Variants in CSPG5 observed in about 807,000 individuals in gnomAD.
The protein encoded by CSPG5 is acidic leucine-rich EGF-like domain-containing brain protein.
CSPG5 carries 25 observed loss-of-function variants against 39.8 expected under a neutral mutation model. That is an observed-to-expected ratio of 0.63 (90% CI 0.46 to 0.88). CSPG5 has a LOEUF of 0.88. CSPG5 is among the 40% of genes least tolerant of loss of function. The pLI is 0.00. For synonymous variants in CSPG5, 295 were observed against 303.9 expected, an observed-to-expected ratio of 0.97 and a Z score of 0.31; for missense variants, 627 against 702.2, an observed-to-expected ratio of 0.89 and a Z score of 1.21.
intron 4 of CSPG5, among the ~76,000 whole-genome samples, chr3:47,568,039 T>C (rs2031380878): frequency 6.6e-6 from 1 of 152,182 alleles, no homozygotes; most frequent in Admixed American, 6.5e-5. Flanking sequence ...AACACTTCCA[T>C]TTCACAGAAA....
Position 47,577,833 on chromosome 3 carries a change from G to T in CSPG5, c.193C>A (p.Pro65Thr). 1 of 1,565,014 alleles carries T rather than the reference G, an allele frequency of 6.4e-7. No homozygotes were observed. Among genetic ancestry groups the T allele is most frequent in the Non-Finnish European group, 8.6e-7 (1 of 1,166,224 alleles). ...GCCTCATCTTCCCCAGCCGCTGGTGGGCCGGCTTCTTCCCGCGTGTCGTTG... is the reference window on the plus strand; with the variant it reads ...GCCTCATCTTCCCCAGCCGCTGGTGTGCCGGCTTCTTCCCGCGTGTCGTTG... ...PANDTREEAG[P>T]PAAGEDEASW... The change falls in exon 2 of 5, where the codon CCA (proline) becomes ACA (threonine). Residue 65 changes from proline (P) to threonine (T), a missense_variant. Pro to Thr is a conservative substitution (Grantham distance 38). Coordinates refer to ENST00000264723, the MANE Select transcript of CSPG5 (RefSeq NM_006574.4). This position sits in a 1 kb window ranked among gnomAD's most constrained non-coding sequence, Gnocchi z 4.7.
At position 47,577,350 on chromosome 3, in the gene CSPG5, C is replaced by G. The variant is rs752877447; in HGVS notation, c.676G>C (p.Gly226Arg). 1 of 1,614,006 alleles carries G rather than the reference C, an allele frequency of 6.2e-7. No homozygotes were observed. Among genetic ancestry groups the G allele is most frequent in the Non-Finnish European group, 8.5e-7 (1 of 1,179,950 alleles). The change falls in exon 2 of 5, where the codon GGG becomes CGG. Residue 226 changes from glycine to arginine, a missense_variant. Physicochemically the swap from Gly to Arg is moderately radical, Grantham distance 125 (BLOSUM62 -2). Transcript: ENST00000264723. This position sits in a 1 kb window ranked among gnomAD's most constrained non-coding sequence, Gnocchi z 4.7. ...GTTCCTGGTGACCCTGGGAAGCTCC[C>G]CAGATCTGCGCCACGACCCTCACCA... is the stretch of plus-strand genomic sequence containing the variant. The part of the protein sequence containing the change: ...LDGEGRGADL[G>R]SFPGSPGTSE...
In CSPG5 at chr3:47,569,127, G is replaced by A. The variant is rs370385156; in HGVS notation, c.1458+25C>T. The stretch of plus-strand genomic sequence containing the variant: ...GCACGGGCATGGGGGGAGGAGGTAC[G>A]GGGAGTGTTGCAAAGTTTCCTTACA... On this transcript the variant is annotated intron_variant, in intron 4 of 4. Transcript: ENST00000264723. 8.1e-6 allele frequency: 13 copies of A among 1,602,684 alleles called. No homozygotes were observed. The Admixed American group carries it at 1.2e-4, about 15-fold the overall frequency.
chr3:47,578,316 G>GC lies in CSPG5; in HGVS notation c.97+280dup, dbSNP rs1215123965. Among the ~76,000 whole-genome samples the GC allele has an allele frequency of 9.3e-6, 1 of 107,744 alleles. No individual in the cohort carries two copies. Among genetic ancestry groups the GC allele is most frequent in the African/African-American group, 3.5e-5 (1 of 28,716 alleles). The allele number at this position is 107,744 out of a possible 152,430, so 70.7% of individuals were successfully genotyped here. Reference sequence around the variant, plus strand: ...CCCCGAAGTCTCACCCTCAGGCCCCGCCCCGGCCCCGCCCCGGCCCCGCCC... The same window carrying GC: ...CCCCGAAGTCTCACCCTCAGGCCCCGCCCCCGGCCCCGCCCCGGCCCCGCCC... On this transcript the variant is annotated intron_variant, in intron 1 of 4. Transcript: ENST00000264723. The surrounding 1 kb of genome is among the most constrained non-coding windows in gnomAD (Gnocchi z 6.0).
chr3:47,563,615 T>C (rs927251687), intron 4 of CSPG5, among the ~76,000 whole-genome samples: 1 of 152,172 alleles, frequency 6.6e-6, no homozygotes, highest in Non-Finnish European at 1.5e-5. Context: ...AGTACAGTAG[T>C]GTGATCTCGG....
chr3:47,577,436 C>A lies in CSPG5; in HGVS notation c.590G>T (p.Gly197Val), dbSNP rs753913605. 2 of 1,614,118 alleles carry A rather than the reference C, an allele frequency of 1.2e-6. No individual in the cohort carries two copies. The highest frequency in any genetic ancestry group is 8.5e-7 in the Non-Finnish European group (1 of 1,180,026). ...QGPELTYPFQ[G>V]TLEPQPASDI... ...TGATGCCGGTTGGGGCTCCAGGGTG[C>A]CCTGAAATGGGTAAGTCAGCTCTGG... Residue 197 changes from glycine to valine, a missense_variant, in exon 2 of 5, where the codon GGC (glycine) becomes GTC (valine). Transcript: ENST00000264723. This position sits in a 1 kb window ranked among gnomAD's most constrained non-coding sequence, Gnocchi z 4.7.
Position 47,562,736 on chromosome 3 carries a change from A to C in CSPG5, c.1484T>G (p.Ile495Ser). 6.2e-7 allele frequency: 1 copy of C among 1,609,016 alleles called. No individual in the cohort carries two copies. Among genetic ancestry groups the C allele is most frequent in the Non-Finnish European group, 8.5e-7 (1 of 1,177,260 alleles). Residue 495 changes from isoleucine (I) to serine (S), a missense_variant, in exon 5 of 5, where the codon ATC becomes AGC. Coordinates refer to ENST00000264723, the MANE Select transcript of CSPG5 (RefSeq NM_006574.4). Reference protein sequence around the residue: ...PNDDPSAPHKIQEVLKSCLKE... With the variant: ...PNDDPSAPHKSQEVLKSCLKE... ...CAGGCAGGACTTGAGAACCTCCTGG[A>C]TTTTGTGGGGAGCACTAGGATCATC...
Position 47,572,112 on chromosome 3 carries a change from A to C in CSPG5, c.1382+574T>G, listed in dbSNP as rs1245805130. Among the ~76,000 whole-genome samples the C allele has an allele frequency of 6.6e-6, 1 of 152,198 alleles. No homozygotes were observed. Among genetic ancestry groups the C allele is most frequent in the Admixed American group, 6.5e-5 (1 of 15,280 alleles). On this transcript the variant is annotated intron_variant, in intron 3 of 4. Transcript: ENST00000264723. The surrounding 1 kb of genome is among the most constrained non-coding windows in gnomAD (Gnocchi z 4.5). ...CATATTCTACTCAGGAGAGGTAAAG[A>C]GGATTTTCTTAAGTTCCTTGCACTT...
intron 4 of CSPG5, among the ~76,000 whole-genome samples, chr3:47,566,081 C>A (rs2031287648): frequency 6.6e-6 from 1 of 152,196 alleles, no homozygotes; most frequent in Non-Finnish European, 1.5e-5. Context: ...TTCCCTGTCA[C>A]AGGCCCAAAG....
chr3:47,577,986 G>T lies in CSPG5; in HGVS notation c.98-58C>A. On this transcript the variant is annotated intron_variant, in intron 1 of 4. Coordinates refer to ENST00000264723, the MANE Select transcript of CSPG5 (RefSeq NM_006574.4). The surrounding 1 kb of genome is among the most constrained non-coding windows in gnomAD (Gnocchi z 4.7). ...GGGCGGCGCGCTGAGGAGCCCTGGA[G>T]CCCCGGCCCGCCCCGGTCAGGCCCG... 1 of 1,365,960 alleles carries T rather than the reference G, an allele frequency of 7.3e-7. No individual in the cohort carries two copies. Among genetic ancestry groups the T allele is most frequent in the Non-Finnish European group, 9.4e-7 (1 of 1,068,360 alleles). 84.6% of individuals were successfully genotyped at this position (1,365,960 alleles called of 1,614,324 possible).
chr3:47,579,549 C>T (rs2031916603), upstream of CSPG5: 1 of 152,462 alleles, frequency 6.6e-6, no homozygotes, highest in South Asian at 2.1e-4. The surrounding 1 kb of genome is among the most constrained non-coding windows in gnomAD (Gnocchi z 4.2). Context: ...GGGTAAGACC[C>T]TCCCTGGGAC....
At chr3:47,569,944 G>A (rs2031468753) in intron 3 of CSPG5, among the ~76,000 whole-genome samples, 1 of 151,710 alleles carries the variant, frequency 6.6e-6, no homozygotes, top group Non-Finnish European at 1.5e-5. Flanking sequence ...GATGGGGTTT[G>A]ACCATGTTGC....
Position 47,576,470 on chromosome 3 carries a change from T to TA in CSPG5, c.1193+362_1193+363insT, listed in dbSNP as rs1191284501. The stretch of plus-strand genomic sequence containing the variant: ...CCCTCTGTTTTGTTTTGTTTTTTTT[T>TA]TTTTTTGAGATGGAGTTTCACTTTG... On this transcript the variant is annotated intron_variant, in intron 2 of 4. Transcript: ENST00000264723. Among the ~76,000 whole-genome samples the TA allele has an allele frequency of 3.3e-5, 5 of 150,774 alleles. No individual in the cohort carries two copies. In the East Asian group the frequency reaches 9.8e-4, roughly 30 times the overall value.
chr3:47,567,264 T>A (rs1292219563), intron 4 of CSPG5, among the ~76,000 whole-genome samples: 1 of 152,134 alleles, frequency 6.6e-6, no homozygotes, highest in Non-Finnish European at 1.5e-5. Context: ...CCTGCTGCCA[T>A]CTGCAGGATG....
At position 47,577,490 on chromosome 3, in the gene CSPG5, A is replaced by C; in HGVS notation, c.536T>G (p.Leu179Arg). The change falls in exon 2 of 5, where the codon CTG (leucine) becomes CGG (arginine). Residue 179 changes from leucine (L) to arginine (R), a missense_variant. Physicochemically the swap from Leu to Arg is moderately radical, Grantham distance 102 (BLOSUM62 -2). Transcript: ENST00000264723. This position sits in a 1 kb window ranked among gnomAD's most constrained non-coding sequence, Gnocchi z 4.7. ...TTGAGGGTCGGGTGTGCTGCCCCCCAGGTTCAGCCAAACCTCCAAGGGGCT... is the reference window on the plus strand; with the variant it reads ...TTGAGGGTCGGGTGTGCTGCCCCCCCGGTTCAGCCAAACCTCCAAGGGGCT... ...KESPLEVWLN[L>R]GGSTPDPQGP... 6.2e-7 allele frequency: 1 copy of C among 1,613,230 alleles called. No homozygotes were observed. Among genetic ancestry groups the C allele is most frequent in the Non-Finnish European group, 8.5e-7 (1 of 1,179,792 alleles).
At chr3:47,579,888 AC>A (rs2031926147), upstream of CSPG5, 2 of 152,198 alleles carry the variant, frequency 1.3e-5, no homozygotes, top group South Asian at 4.1e-4. The surrounding 1 kb of genome is among the most constrained non-coding windows in gnomAD (Gnocchi z 4.2). Flanking sequence ...TGTGTTACTC[AC>A]CCAAATGACA....
chr3:47,572,864 G>A lies in CSPG5; in HGVS notation c.1204C>T (p.Gln402Ter). ...NIGAFCRCNT[Q>*]DYIWHKGMRC... Reference sequence around the variant, plus strand: ...ATCCCCTTGTGCCAGATGTAGTCCTGCGTGTTGCACCTGCAGCAGCGACAT... The same window carrying A: ...ATCCCCTTGTGCCAGATGTAGTCCTACGTGTTGCACCTGCAGCAGCGACAT... The change falls in exon 3 of 5, where the codon CAG becomes TAG. Residue 402 changes from glutamine to a stop codon, truncating the protein, a stop_gained. Transcript: ENST00000264723. LOFTEE classifies it high-confidence loss of function. The surrounding 1 kb of genome is among the most constrained non-coding windows in gnomAD (Gnocchi z 4.5). 6.2e-7 allele frequency: 1 copy of A among 1,608,358 alleles called. No individual in the cohort carries two copies. Among genetic ancestry groups the A allele is most frequent in the Non-Finnish European group, 8.5e-7 (1 of 1,176,104 alleles).
chr3:47,578,725 G>C lies in CSPG5; in HGVS notation c.-32C>G, dbSNP rs2031882428. On this transcript the variant is annotated 5_prime_UTR_variant, in exon 1 of 5. Transcript: ENST00000264723. The surrounding 1 kb of genome is among the most constrained non-coding windows in gnomAD (Gnocchi z 6.0). ...GCGCCCCGACCGCTGTCCGCGGTCC[G>C]CCCGGCTGGCTGCGCCCTCGGCTCG... The C allele has an allele frequency of 1.7e-6, 1 of 597,314 alleles. No homozygotes were observed. The highest frequency in any genetic ancestry group is 2.1e-6 in the Non-Finnish European group (1 of 474,382). The allele number at this position is 597,314 out of a possible 1,614,324, so 37.0% of individuals were successfully genotyped here. A position where few individuals can be genotyped will look rare whatever the true frequency, so the allele number is the denominator to read the frequency against.
At position 47,578,114 on chromosome 3, in the gene CSPG5, C is replaced by G; in HGVS notation, c.98-186G>C. On this transcript the variant is annotated intron_variant, in intron 1 of 4. Transcript: ENST00000264723. This position sits in a 1 kb window ranked among gnomAD's most constrained non-coding sequence, Gnocchi z 6.0. ...CTCTAAGCCCCGTCCCGGAGTCTGCCCCCAAGACGAGGATCACACCCCGCC... is the reference window on the plus strand; with the variant it reads ...CTCTAAGCCCCGTCCCGGAGTCTGCGCCCAAGACGAGGATCACACCCCGCC... 1.1e-6 allele frequency: 1 copy of G among 930,558 alleles called. No homozygotes were observed. The highest frequency in any genetic ancestry group is 1.4e-6 in the Non-Finnish European group (1 of 706,438). 57.6% of individuals were successfully genotyped at this position (930,558 alleles called of 1,614,324 possible).
Sources: gnomAD v4.1 joint callset for allele counts (sites outside exome capture counted in the v4.1 genomes callset) on GRCh38, gnomAD v4.1.1 for gene constraint, Gnocchi (gnomAD v3.1) non-coding constraint, MANE v1.5 for transcripts, NCBI Gene and HGNC (gene_info 2026-07-23, HGNC 2026-07-21) for gene names.